The following ZMYND11 variants were observed in gnomAD, a reference collection of about 807,000 sequenced individuals.
The protein encoded by ZMYND11 is zinc finger MYND domain-containing protein 11.
In ZMYND11, 9 loss-of-function variants were observed where a neutral mutation model predicts 84.9. The observed-to-expected ratio is 0.11, with a 90% CI of 0.06 to 0.18. The LOEUF (loss-of-function observed/expected upper bound fraction) is 0.18, where lower values mean the gene tolerates loss of function less well. ZMYND11 is among the 10% of genes least tolerant of loss of function. ZMYND11 has a pLI of 1.00. For missense variants in ZMYND11, 409 were observed against 761.0 expected (o/e 0.54, Z 5.44); for synonymous variants, 250 against 244.1 (o/e 1.02, Z -0.23).
chr10:183,953 C>A (rs1221974174), intron 2 of ZMYND11, among the ~76,000 whole-genome samples: 1 of 152,156 alleles, frequency 6.6e-6, no homozygotes, highest in Non-Finnish European at 1.5e-5. Context: ...TTAAGAGCAC[C>A]TCCTGGCTAC....
intron 3 of ZMYND11, among the ~76,000 whole-genome samples, chr10:216,629 A>G (rs959753539): frequency 5.3e-5 from 8 of 152,172 alleles, no homozygotes; most frequent in African/African-American, 1.9e-4. Flanking sequence ...TGCCAAGTGA[A>G]TTATCGGTGA....
intron 1 of ZMYND11, among the ~76,000 whole-genome samples, chr10:179,010 G>A: frequency 6.6e-6 from 1 of 152,128 alleles, no homozygotes; most frequent in East Asian, 1.9e-4. Context: ...ATAGGAAAGG[G>A]CAGGTCAAGG....
chr10:214,135 T>G (rs1027808108), intron 3 of ZMYND11, among the ~76,000 whole-genome samples: 1 of 152,154 alleles, frequency 6.6e-6, no homozygotes, highest in Non-Finnish European at 1.5e-5. Flanking sequence ...AATGATCACA[T>G]AAGTGATCAT....
chr10:154,108 T>G (rs927152066), intron 1 of ZMYND11, among the ~76,000 whole-genome samples: 2 of 152,254 alleles, frequency 1.3e-5, no homozygotes, highest in Non-Finnish European at 2.9e-5. Context: ...TTAGCCACTT[T>G]TCTATAACTT....
chr10:190,568 C>T (rs1393462293), intron 2 of ZMYND11, among the ~76,000 whole-genome samples: 1 of 152,152 alleles, frequency 6.6e-6, no homozygotes, highest in African/African-American at 2.4e-5. Context: ...AATTTTAGGT[C>T]TGGTTATGCT....
chr10:155,697 G>C (rs1027118572), intron 1 of ZMYND11, among the ~76,000 whole-genome samples: 5 of 152,010 alleles, frequency 3.3e-5, no homozygotes, highest in Non-Finnish European at 7.4e-5. Flanking sequence ...TTCTGGTTTT[G>C]GCCAAGATTT....
intron 1 of ZMYND11, among the ~76,000 whole-genome samples, chr10:152,261 A>G (rs1437345336): frequency 1.3e-5 from 2 of 152,208 alleles, no homozygotes; most frequent in African/African-American, 4.8e-5. Flanking sequence ...ATTAAAAGAC[A>G]CAGACTGGCA....
chr10:188,930 A>G (rs1380143075), intron 2 of ZMYND11, among the ~76,000 whole-genome samples: 1 of 152,198 alleles, frequency 6.6e-6, no homozygotes, highest in Non-Finnish European at 1.5e-5. Context: ...AAGCAATTGA[A>G]GTATTGGACC....
intron 2 of ZMYND11, among the ~76,000 whole-genome samples, chr10:207,630 C>T (rs1487048799): frequency 6.6e-6 from 1 of 152,146 alleles, no homozygotes; most frequent in Non-Finnish European, 1.5e-5. Context: ...CAAACCACTG[C>T]TCAATGAAAT....
chr10:229,666 AAAAAACCGAACAGG>A, intron 4 of ZMYND11, among the ~76,000 whole-genome samples: 1 of 152,292 alleles, frequency 6.6e-6, no homozygotes, highest in Admixed American at 6.5e-5. Flanking sequence ...ACTGGGAGTG[AAAAAACCGAACAGG>A]AGTGTATTTT....
intron 1 of ZMYND11, among the ~76,000 whole-genome samples, chr10:166,800 A>G (rs994670741): frequency 6.6e-6 from 1 of 152,154 alleles, no homozygotes; most frequent in South Asian, 2.1e-4. Context: ...GCCAGTGTTC[A>G]CTGCAGTCTC....
chr10:156,887 T>A (rs1230665854), intron 1 of ZMYND11, among the ~76,000 whole-genome samples: 1 of 152,230 alleles, frequency 6.6e-6, no homozygotes, highest in East Asian at 1.9e-4. Flanking sequence ...TTTTCAATGA[T>A]CTAGGCACAG....
intron 4 of ZMYND11, among the ~76,000 whole-genome samples, chr10:232,966 C>T (rs1949260719): frequency 6.6e-6 from 1 of 152,162 alleles, no homozygotes; most frequent in African/African-American, 2.4e-5. Flanking sequence ...TTTAAAAGAG[C>T]ATTTGAAGAT....
chr10:180,397 A>C (rs756655760), intron 2 of ZMYND11, among the ~76,000 whole-genome samples: 1 of 152,074 alleles, frequency 6.6e-6, no homozygotes, highest in African/African-American at 2.4e-5. Flanking sequence ...TTTTAACTCT[A>C]TTTATTGATT....
chr10:244,679 T>G (rs1951756184), intron 10 of ZMYND11: 1 of 152,282 alleles, frequency 6.6e-6, no homozygotes, highest in African/African-American at 2.4e-5. Context: ...CAAATGTAGT[T>G]AGAGCATTGG....
intron 4 of ZMYND11, among the ~76,000 whole-genome samples, chr10:232,283 C>T (rs1167678392): frequency 6.6e-6 from 1 of 152,184 alleles, no homozygotes; most frequent in Non-Finnish European, 1.5e-5. Flanking sequence ...CGGCTTGTTA[C>T]CTTAGAAATC....
chr10:203,038 G>T (rs1218953326), intron 2 of ZMYND11, among the ~76,000 whole-genome samples: 1 of 151,770 alleles, frequency 6.6e-6, no homozygotes, highest in Non-Finnish European at 1.5e-5. Flanking sequence ...AAATCCTATA[G>T]CAAGCATCAT....
chr10:154,871 C>T (rs782199278), intron 1 of ZMYND11: 2 of 152,156 alleles, frequency 1.3e-5, no homozygotes, highest in South Asian at 2.1e-4. Context: ...TCCAAGTACT[C>T]ACCAGGCCCA....
intron 3 of ZMYND11, among the ~76,000 whole-genome samples, chr10:212,905 G>A (rs951291559): frequency 5.9e-5 from 9 of 152,112 alleles, no homozygotes; most frequent in African/African-American, 2.2e-4. Flanking sequence ...TATTTAAAGT[G>A]TAACTCTAAA....
Sources: allele counts gnomAD v4.1 joint callset (sites outside exome capture counted in the v4.1 genomes callset), GRCh38; gene constraint gnomAD v4.1.1; transcripts MANE v1.5; gene names NCBI Gene and HGNC (gene_info 2026-07-23, HGNC 2026-07-21).